The following MACF1 variants were observed in gnomAD, a reference collection of about 807,000 sequenced individuals.
MACF1 encodes microtubule actin crosslinking factor 1.
MACF1 carries 193 observed loss-of-function variants against 854.8 expected under a neutral mutation model. The observed-to-expected ratio is 0.23, with a 90% confidence interval of 0.20 to 0.25. MACF1 has a LOEUF of 0.25. MACF1 is among the 10% of genes least tolerant of loss of function. The pLI, the probability that MACF1 is intolerant of heterozygous loss-of-function variation, is 1.00. For synonymous variants in MACF1, 3,185 were observed against 3,226.7 expected, an observed-to-expected ratio of 0.99 and a Z score of 0.44; for missense variants, 7,722 against 8,929.1, an observed-to-expected ratio of 0.86 and a Z score of 5.45.
chr1:39,302,122 G>A (rs559936797), intron 22 of MACF1, among the ~76,000 whole-genome samples: 1 of 152,126 alleles, frequency 6.6e-6, no homozygotes, highest in South Asian at 2.1e-4. Context: ...TCAGCCTCCC[G>A]AGTGGCTGGG....
chr1:39,319,328 G>T (rs1463323835), intron 30 of MACF1, among the ~76,000 whole-genome samples: 1 of 152,160 alleles, frequency 6.6e-6, no homozygotes, highest in East Asian at 1.9e-4. Context: ...CAAGTTCTTG[G>T]GTTGGGCACA....
intron 40 of MACF1, among the ~76,000 whole-genome samples, chr1:39,341,510 A>G (rs1046006953): frequency 1.3e-5 from 2 of 150,012 alleles, no homozygotes; most frequent in African/African-American, 4.9e-5. Flanking sequence ...AGCCTGGCCA[A>G]CATGGTGAAA....
chr1:39,156,019 C>G (rs930637616), intron 2 of MACF1, among the ~76,000 whole-genome samples: 14 of 152,322 alleles, frequency 9.2e-5, no homozygotes, highest in African/African-American at 3.4e-4. Context: ...TCCCAAGTAT[C>G]TGGGACTACA....
intron 1 of MACF1, among the ~76,000 whole-genome samples, chr1:39,229,669 G>C (rs1481396589): frequency 1.3e-5 from 2 of 152,180 alleles, no homozygotes; most frequent in Non-Finnish European, 2.9e-5. Flanking sequence ...GGAGTTCCTG[G>C]GGTATTAGTG....
intron 2 of MACF1, among the ~76,000 whole-genome samples, chr1:39,188,423 A>G (rs1378463837): frequency 6.6e-6 from 1 of 152,264 alleles, no homozygotes; most frequent in East Asian, 1.9e-4. Context: ...ATAAAAAAAG[A>G]AAGAGCTGGG....
At chr1:39,403,932 C>T (rs1455375048) in intron 58 of MACF1, among the ~76,000 whole-genome samples, 1 of 151,922 alleles carries the variant, frequency 6.6e-6, no homozygotes, top group South Asian at 2.1e-4. Flanking sequence ...AGTTCGAAAC[C>T]AGCCTGGCCA....
chr1:39,437,886 G>A lies in MACF1; in HGVS notation c.18098G>A (p.Ser6033Asn), dbSNP rs200924206. The A allele has an allele frequency of 1.2e-6, 2 of 1,614,164 alleles. No homozygotes were observed. Among genetic ancestry groups the A allele is most frequent in the East Asian group, 4.5e-5 (2 of 44,886 alleles). Residue 6033 changes from serine to asparagine, a missense_variant, in exon 71 of 101, where the codon AGT (serine) becomes AAT (asparagine). By Grantham distance (46) the Ser-to-Asn change is conservative. Around this residue, in one of 15 missense-constraint regions of MACF1, gnomAD observed 2,807 missense variants for 3,235.8 expected, o/e 0.87. Transcript: ENST00000564288. Reference sequence around the variant, plus strand: ...GTAGACAAGATCAGAGAGTGCATCAGTGACAATAAGAGTGCCACCGTGGAG... The same window carrying A: ...GTAGACAAGATCAGAGAGTGCATCAATGACAATAAGAGTGCCACCGTGGAG... ...AEVDKIRECISDNKSATVELE... is the reference protein window; with the variant it reads ...AEVDKIRECINDNKSATVELE...
At chr1:39,138,542 G>C (rs967036586) in intron 2 of MACF1, among the ~76,000 whole-genome samples, 5 of 150,754 alleles carry the variant, frequency 3.3e-5, no homozygotes, top group South Asian at 4.2e-4. Flanking sequence ...CAGAGATCGC[G>C]CCACTGCACT....
At chr1:39,200,565 G>C (rs1644376971), upstream of MACF1, among the ~76,000 whole-genome samples, 1 of 151,896 alleles carries the variant, frequency 6.6e-6, no homozygotes, top group African/African-American at 2.4e-5. Flanking sequence ...CGGGCGTGGT[G>C]GTGGGCACCT....
intron 93 of MACF1, 100 bp from the exon 94 acceptor site, chr1:39,463,512 T>G: frequency 1.3e-6 from 1 of 763,150 alleles, no homozygotes; most frequent in Non-Finnish European, 2.2e-6. Context: ...AAAATGTAAA[T>G]AATGAATAGC....
chr1:39,410,280 C>A, intron 58 of MACF1: 1 of 1,593,814 alleles, frequency 6.3e-7, no homozygotes, highest in Non-Finnish European at 8.6e-7. Context: ...GTAAGCCACT[C>A]AGCAGACCAG....
intron 50 of MACF1, among the ~76,000 whole-genome samples, chr1:39,368,873 A>G (rs1648974761): frequency 6.6e-6 from 1 of 152,162 alleles, no homozygotes; most frequent in African/African-American, 2.4e-5. Context: ...TCAGAAGCCT[A>G]GGCCACTTGG....
At chr1:39,351,581 C>CTTTTTTTTT (rs36123797) in intron 43 of MACF1, among the ~76,000 whole-genome samples, 1 of 85,918 alleles carries the variant, frequency 1.2e-5, no homozygotes, top group Admixed American at 1.4e-4. Context: ...AAGCAAATGG[C>CTTTTTTTTT]TTTTTTTTTT....
rs182607342 is a variant in MACF1 at position 39,252,807 on chromosome 1, C to G, written c.357+866C>G. Among the ~76,000 whole-genome samples, 27 of 152,320 alleles carry G rather than the reference C, an allele frequency of 1.8e-4. 1 individual carries two copies. The East Asian group carries it at 5.2e-3, about 29-fold the overall frequency. On this transcript the variant is annotated intron_variant, in intron 4 of 100. Coordinates refer to ENST00000564288, the MANE Select transcript of MACF1 (RefSeq NM_001394062.1). ...TAAACCTTTGACTGAAGAAGTTATC[C>G]TGTGCCCAGAGAGGCCTTGACATCT...
rs1647854631 is a variant in MACF1 at position 39,359,284 on chromosome 1, T to A, written c.12244+20T>A. The A allele has an allele frequency of 2.5e-6, 4 of 1,613,290 alleles. No homozygotes were observed. In the South Asian group the frequency reaches 4.4e-5, roughly 18 times the overall value. On this transcript the variant is annotated intron_variant, in intron 47 of 100. Coordinates refer to ENST00000564288, the MANE Select transcript of MACF1 (RefSeq NM_001394062.1). Reference sequence around the variant, plus strand: ...CTACAGGTATAAAGCAGCAACAGTATAATAGTACTCCCTTAATTCCTAGTA... The same window carrying A: ...CTACAGGTATAAAGCAGCAACAGTAAAATAGTACTCCCTTAATTCCTAGTA...
chr1:39,196,976 T>G (rs1275369478), intron 2 of MACF1, among the ~76,000 whole-genome samples: 1 of 152,204 alleles, frequency 6.6e-6, no homozygotes, highest in Non-Finnish European at 1.5e-5. Flanking sequence ...CTTTCATGGT[T>G]TGGGGCCCTG....
At chr1:39,463,990 T>C in intron 94 of MACF1, 1 of 260,332 alleles carries the variant, frequency 3.8e-6, no homozygotes, top group Non-Finnish European at 7.8e-6. Context: ...ATTATATCTA[T>C]TGACTGACCA....
intron 58 of MACF1, chr1:39,413,005 G>A (rs771433555): frequency 1.1e-4 from 174 of 1,583,452 alleles, no homozygotes; most frequent in Non-Finnish European, 1.5e-4. Flanking sequence ...AGCTGTTACA[G>A]TATCTGTCCC....
At chr1:39,106,356 G>A (rs1642237872) in intron 2 of MACF1, among the ~76,000 whole-genome samples, 1 of 152,170 alleles carries the variant, frequency 6.6e-6, no homozygotes, top group Non-Finnish European at 1.5e-5. Context: ...TTGGAGCTCG[G>A]ATTTCAGCCC....
Sources: gnomAD v4.1 joint callset for allele counts (sites outside exome capture counted in the v4.1 genomes callset) on GRCh38, gnomAD v4.1.1 for gene constraint, gnomAD v4.1.1 regional missense constraint, MANE v1.5 for transcripts, NCBI Gene and HGNC (gene_info 2026-07-23, HGNC 2026-07-21) for gene names.